CLNK: variants seen among roughly 807,000 people sequenced by gnomAD.
CLNK encodes the protein cytokine-dependent hematopoietic cell linker.
Under a neutral mutation model 68.6 loss-of-function variants are expected in CLNK, and 74 were observed. The observed-to-expected ratio is 1.08, with a 90% CI of 0.89 to 1.31. CLNK has a LOEUF of 1.31. CLNK is among the 50% of genes most tolerant of loss of function. CLNK has a pLI of 0.00. For missense variants in CLNK, 553 were observed against 515.3 expected, an observed-to-expected ratio of 1.07 and a Z score of -0.71; for synonymous variants, 198 against 172.2, an observed-to-expected ratio of 1.15 and a Z score of -1.17.
intron 11 of CLNK, among the ~76,000 whole-genome samples, chr4:10,535,098 C>T (rs568092740): frequency 6.6e-6 from 1 of 151,874 alleles, no homozygotes; most frequent in South Asian, 2.1e-4. Flanking sequence ...CCTGTAAATC[C>T]AGCACTTTGA....
chr4:10,530,144 C>A (rs568346807), intron 12 of CLNK, among the ~76,000 whole-genome samples: 1 of 151,936 alleles, frequency 6.6e-6, no homozygotes, highest in Non-Finnish European at 1.5e-5. Flanking sequence ...AGAGACACGG[C>A]GGTGGGGAAG....
chr4:10,688,304 T>C (rs1409390570), upstream of CLNK, among the ~76,000 whole-genome samples: 1 of 152,158 alleles, frequency 6.6e-6, no homozygotes, highest in Non-Finnish European at 1.5e-5. Context: ...GACCTAGTGA[T>C]TCTGTCAAGT....
the CLNK span, among the ~76,000 whole-genome samples, chr4:10,729,462 T>A: frequency 2.0e-5 from 3 of 152,172 alleles, no homozygotes; most frequent in Non-Finnish European, 4.4e-5. Flanking sequence ...AGGCCCTCAC[T>A]TGCATGTTTA....
At chr4:10,577,783 G>GAA (rs113306981) in intron 4 of CLNK, among the ~76,000 whole-genome samples, 7 of 141,302 alleles carry the variant, frequency 5.0e-5, no homozygotes, top group East Asian at 2.0e-4. Context: ...ACTTACATAA[G>GAA]AAAAAAAAAA....
At chr4:10,501,658 G>A (rs1361363353) in intron 17 of CLNK, among the ~76,000 whole-genome samples, 2 of 152,202 alleles carry the variant, frequency 1.3e-5, no homozygotes, top group Non-Finnish European at 2.9e-5. Context: ...CAGGTGCGGT[G>A]GCTCACCCCT....
intron 18 of CLNK, among the ~76,000 whole-genome samples, chr4:10,497,987 G>T (rs1351146273): frequency 6.6e-6 from 1 of 151,718 alleles, no homozygotes; most frequent in Non-Finnish European, 1.5e-5. Context: ...CCTGAGGTCG[G>T]GAGTTCCAGA....
At chr4:10,726,062 A>G in the CLNK span, among the ~76,000 whole-genome samples, 1 of 152,156 alleles carries the variant, frequency 6.6e-6, no homozygotes, top group East Asian at 1.9e-4. Flanking sequence ...ACTGTGAAGG[A>G]GAATCTGTTC....
intron 2 of CLNK, among the ~76,000 whole-genome samples, chr4:10,631,771 A>G (rs1306784794): frequency 1.3e-5 from 2 of 152,222 alleles, no homozygotes; most frequent in African/African-American, 4.8e-5. Flanking sequence ...TGTTCTTTTT[A>G]GTCTCAAAGC....
chr4:10,615,588 G>A (rs1379310957), intron 2 of CLNK, among the ~76,000 whole-genome samples: 1 of 152,180 alleles, frequency 6.6e-6, no homozygotes, highest in Admixed American at 6.5e-5. Flanking sequence ...AGAAGAGCCA[G>A]TAGAGTTCTC....
At chr4:10,632,178 G>C (rs1186254325) in intron 2 of CLNK, among the ~76,000 whole-genome samples, 1 of 152,202 alleles carries the variant, frequency 6.6e-6, no homozygotes, top group African/African-American at 2.4e-5. Context: ...CTTTTCCCCA[G>C]TTGTACAGTA....
intron 2 of CLNK, among the ~76,000 whole-genome samples, chr4:10,613,608 A>C (rs1359553623): frequency 6.6e-6 from 1 of 152,180 alleles, no homozygotes. Context: ...ACTCAATAGG[A>C]TCTCTCTGTC....
chr4:10,659,095 T>A (rs970823130), intron 2 of CLNK, among the ~76,000 whole-genome samples: 3 of 152,152 alleles, frequency 2.0e-5, no homozygotes, highest in African/African-American at 7.2e-5. Flanking sequence ...TCCCAGCTAC[T>A]CAGGAGGCTG....
chr4:10,633,159 A>C (rs1722954699), intron 2 of CLNK, among the ~76,000 whole-genome samples: 1 of 152,184 alleles, frequency 6.6e-6, no homozygotes, highest in African/African-American at 2.4e-5. Flanking sequence ...GCTGGTCTCG[A>C]ACTCCTGACC....
intron 3 of CLNK, among the ~76,000 whole-genome samples, chr4:10,595,075 C>A (rs538611360): frequency 2.6e-5 from 4 of 152,222 alleles, no homozygotes; most frequent in African/African-American, 9.6e-5. Flanking sequence ...GAGTGAAACC[C>A]CGTCTCAAAA....
chr4:10,712,868 G>C, the CLNK span, among the ~76,000 whole-genome samples: 1 of 152,152 alleles, frequency 6.6e-6, no homozygotes, highest in Non-Finnish European at 1.5e-5. Flanking sequence ...CCCATACCAA[G>C]GAAAGAGGTG....
chr4:10,732,753 A>T, the CLNK span, among the ~76,000 whole-genome samples: 2 of 152,192 alleles, frequency 1.3e-5, no homozygotes, highest in Non-Finnish European at 2.9e-5. Flanking sequence ...TTATCTTTAA[A>T]ATAAATAGCC....
At chr4:10,547,255 C>A (rs1719271306) in intron 8 of CLNK, among the ~76,000 whole-genome samples, 1 of 152,084 alleles carries the variant, frequency 6.6e-6, no homozygotes. Flanking sequence ...GGGTCTTGTA[C>A]AATGGCGCAA....
chr4:10,644,034 G>T (rs544635564), intron 2 of CLNK, among the ~76,000 whole-genome samples: 2 of 152,356 alleles, frequency 1.3e-5, no homozygotes, highest in East Asian at 1.9e-4. Context: ...GGGCAAGGGG[G>T]CAAGAAGGAT....
chr4:10,516,071 T>C (rs2047786089), intron 15 of CLNK, among the ~76,000 whole-genome samples: 1 of 152,178 alleles, frequency 6.6e-6, no homozygotes, highest in African/African-American at 2.4e-5. Context: ...AAAATTTTTT[T>C]TTTTGAAATT....
Sources: gnomAD v4.1 joint callset for allele counts (sites outside exome capture counted in the v4.1 genomes callset) on GRCh38, gnomAD v4.1.1 for gene constraint, MANE v1.5 for transcripts, NCBI Gene and HGNC (gene_info 2026-07-23, HGNC 2026-07-21) for gene names.